The following RBFOX1 variants were observed in gnomAD, a reference collection of about 807,000 sequenced individuals.
RBFOX1 encodes RNA binding protein fox-1 homolog 1.
RBFOX1 carries 8 observed loss-of-function variants against 57.7 expected under a neutral mutation model. That is an observed-to-expected ratio of 0.14 (90% confidence interval 0.08 to 0.25). The LOEUF (loss-of-function observed/expected upper bound fraction) is 0.25. RBFOX1 is among the 10% of genes least tolerant of loss of function. The probability of loss-of-function intolerance (pLI) is 1.00; values close to 1 mark genes in which losing one functional copy is unlikely to be tolerated. For synonymous variants in RBFOX1, 326 were observed against 222.4 expected, an observed-to-expected ratio of 1.47 and a Z score of -4.15; for missense variants, 611 against 548.5, an observed-to-expected ratio of 1.11 and a Z score of -1.14.
At chr16:7,082,237 T>C (rs2059311997) in intron 4 of RBFOX1, among the ~76,000 whole-genome samples, 1 of 152,134 alleles carries the variant, frequency 6.6e-6, no homozygotes, top group South Asian at 2.1e-4. Flanking sequence ...CTCAGGAGCT[T>C]CAGTTGTACA....
At chr16:7,192,220 C>A (rs1367896726) in intron 4 of RBFOX1, among the ~76,000 whole-genome samples, 4 of 152,192 alleles carry the variant, frequency 2.6e-5, no homozygotes, top group African/African-American at 9.6e-5. Context: ...GTTTTACTGG[C>A]ATTTTATTGT....
intron 3 of RBFOX1, among the ~76,000 whole-genome samples, chr16:6,896,810 G>C (rs1358691614): frequency 6.6e-6 from 1 of 152,190 alleles, no homozygotes; most frequent in African/African-American, 2.4e-5. Context: ...TGAGATCATA[G>C]ATGAGTTTAT....
At chr16:6,557,146 T>TAC (rs940582262) in intron 2 of RBFOX1, among the ~76,000 whole-genome samples, 2 of 144,852 alleles carry the variant, frequency 1.4e-5, no homozygotes, top group African/African-American at 5.2e-5. Flanking sequence ...TATACATATA[T>TAC]ACACACATAT....
intron 2 of RBFOX1, among the ~76,000 whole-genome samples, chr16:6,520,318 G>C (rs974979551): frequency 1.6e-4 from 24 of 152,124 alleles, no homozygotes; most frequent in African/African-American, 5.8e-4. Flanking sequence ...GTTGTTTATA[G>C]AACTACAAAA....
chr16:6,187,525 A>C (rs1194004184), intron 1 of RBFOX1, among the ~76,000 whole-genome samples: 4 of 152,282 alleles, frequency 2.6e-5, no homozygotes, highest in Middle Eastern at 3.4e-3. Flanking sequence ...AAAAATAACT[A>C]GCTCTCACAA....
chr16:5,729,515 T>A (rs1258994482), intron 3 of RBFOX1, among the ~76,000 whole-genome samples: 1 of 151,726 alleles, frequency 6.6e-6, no homozygotes, highest in Non-Finnish European at 1.5e-5. Flanking sequence ...GCATGGGGAT[T>A]CAGAGATAGG....
At chr16:6,569,302 T>G (rs540220650) in intron 2 of RBFOX1, among the ~76,000 whole-genome samples, 1 of 152,316 alleles carries the variant, frequency 6.6e-6, no homozygotes, top group South Asian at 2.1e-4. Flanking sequence ...TGAGTTTTCA[T>G]CTCATTGCTG....
intron 3 of RBFOX1, among the ~76,000 whole-genome samples, chr16:6,676,132 ACACACACGCG>A (rs1458401028): frequency 5.6e-4 from 12 of 21,268 alleles, no homozygotes; most frequent in African/African-American, 1.9e-3. Context: ...TAGGGGACAC[ACACACACGCG>A]CACACACACA....
chr16:6,371,349 C>A (rs995315863), intron 2 of RBFOX1, among the ~76,000 whole-genome samples: 3 of 152,128 alleles, frequency 2.0e-5, no homozygotes, highest in African/African-American at 7.2e-5. Context: ...GGTTGGCATT[C>A]TATTTCCTTT....
At chr16:6,026,338 C>T (rs891361004) in intron 1 of RBFOX1, among the ~76,000 whole-genome samples, 2 of 152,220 alleles carry the variant, frequency 1.3e-5, no homozygotes, top group East Asian at 1.9e-4. Context: ...ATGCTTCTCA[C>T]ACACTTTGAG....
At chr16:6,141,497 G>A (rs560360344) in intron 1 of RBFOX1, among the ~76,000 whole-genome samples, 96 of 152,140 alleles carry the variant, frequency 6.3e-4, no homozygotes, top group African/African-American at 2.1e-3. Context: ...CATCCTCTGC[G>A]TCCTGTGGTT....
chr16:6,344,407 C>CTTTTTTTTT (rs60637926), intron 2 of RBFOX1, among the ~76,000 whole-genome samples: 5,106 of 109,498 alleles, frequency 0.047, 381 homozygotes, highest in Non-Finnish European at 0.067. Flanking sequence ...TCTTTTTTTT[C>CTTTTTTTTT]TTTTTTTTTT....
chr16:6,064,809 C>G (rs1055685230), intron 1 of RBFOX1, among the ~76,000 whole-genome samples: 2 of 152,014 alleles, frequency 1.3e-5, no homozygotes, highest in Non-Finnish European at 2.9e-5. Flanking sequence ...GAATAATATG[C>G]CCCTGGATCT....
At position 6,953,331 on chromosome 16, in the gene RBFOX1, G is replaced by C. The variant is rs562071628; in HGVS notation, c.-15-98726G>C. Among the ~76,000 whole-genome samples, 5 of 152,158 alleles carry C rather than the reference G, an allele frequency of 3.3e-5. No homozygotes were observed. In the South Asian group the frequency reaches 1.0e-3, roughly 32 times the overall value. On this transcript the variant is annotated intron_variant, in intron 3 of 15. Transcript: ENST00000550418. The stretch of plus-strand genomic sequence containing the variant: ...AAGATTTATGGAGTCTCTTTCACCA[G>C]CAACTTAATAACATAGAGATCACAA...
intron 1 of RBFOX1, among the ~76,000 whole-genome samples, chr16:6,316,144 T>TTTCTCCC (rs1161059404): frequency 6.6e-6 from 1 of 152,134 alleles, no homozygotes; most frequent in African/African-American, 2.4e-5. Context: ...GCTACTTAAG[T>TTTCTCCC]TTCTCCCCAG....
chr16:6,883,321 T>G (rs2063332717), intron 3 of RBFOX1, among the ~76,000 whole-genome samples: 1 of 152,204 alleles, frequency 6.6e-6, no homozygotes, highest in African/African-American at 2.4e-5. Flanking sequence ...CCTGGGAATT[T>G]GAATGAGTTA....
chr16:7,432,250 C>A (rs946740088), intron 4 of RBFOX1, among the ~76,000 whole-genome samples: 1 of 152,158 alleles, frequency 6.6e-6, no homozygotes, highest in South Asian at 2.1e-4. Flanking sequence ...GATGAGTCTC[C>A]CAAGGTGGGA....
Position 5,377,514 on chromosome 16 carries a change from T to A in RBFOX1, c.220-89702T>A, listed in dbSNP as rs2066016167. Among the ~76,000 whole-genome samples, 2 of 124,864 alleles carry A rather than the reference T, an allele frequency of 1.6e-5. 1 individual carries two copies. Among genetic ancestry groups the A allele is most frequent in the African/African-American group, 6.5e-5 (2 of 30,812 alleles). 81.9% of individuals were successfully genotyped at this position (124,864 alleles called of 152,430 possible). A position where few individuals can be genotyped will look rare whatever the true frequency, so the allele number is the denominator to read the frequency against. The stretch of plus-strand genomic sequence containing the variant: ...AGTAAGTTGAAGGCTAGTATGGGTG[T>A]GGGAGGGGAGGAAGAAGGACGGAGG... On this transcript the variant is annotated intron_variant, in intron 1 of 2. Coordinates refer to the RBFOX1 transcript ENST00000585867.
chr16:6,122,873 A>G (rs1401939461), intron 1 of RBFOX1, among the ~76,000 whole-genome samples: 1 of 151,920 alleles, frequency 6.6e-6, no homozygotes, highest in Non-Finnish European at 1.5e-5. Context: ...GTTACTGCCA[A>G]TAAGCTTCAG....
Sources: allele counts gnomAD v4.1 joint callset (sites outside exome capture counted in the v4.1 genomes callset), GRCh38; gene constraint gnomAD v4.1.1; transcripts MANE v1.5; gene names NCBI Gene and HGNC (gene_info 2026-07-23, HGNC 2026-07-21).